The following KMT2D variants were observed in gnomAD, a reference collection of about 807,000 sequenced individuals.
KMT2D encodes lysine methyltransferase 2D.
KMT2D carries 55 observed loss-of-function variants against 512.7 expected under a neutral mutation model. That is an observed-to-expected ratio of 0.11 (90% CI 0.09 to 0.13). The LOEUF is 0.13. KMT2D is among the 10% of genes least tolerant of loss of function. KMT2D has a pLI of 1.00. For synonymous variants in KMT2D, 2,995 were observed against 2,904.0 expected, an observed-to-expected ratio of 1.03 and a Z score of -1.01; for missense variants, 6,061 against 7,127.9, an observed-to-expected ratio of 0.85 and a Z score of 5.39.
rs1382796110 is a variant in KMT2D at position 49,050,491 on chromosome 12, C to T, written c.3097G>A (p.Val1033Ile). The change falls in exon 12 of 55, where the codon GTT becomes ATT. Residue 1033 changes from valine (V) to isoleucine (I), a missense_variant. By Grantham distance (29) the Val-to-Ile change is conservative. Coordinates refer to ENST00000301067, the MANE Select transcript of KMT2D (RefSeq NM_003482.4). The part of the protein sequence containing the change: ...QCSPLLQHSL[V>I]PQNSPPSQCS... ...TGGGAAGGAGGGGAGTTTTGGGGAA[C>T]CAGGGAATGCTGAAGGAGTGGCGAA... 5 of 1,612,816 alleles carry T rather than the reference C, an allele frequency of 3.1e-6. No homozygotes were observed. Among genetic ancestry groups the T allele is most frequent in the Admixed American group, 3.3e-5 (2 of 59,982 alleles).
Position 49,042,508 on chromosome 12 carries a change from T to G in KMT2D, c.5867+53A>C. ...GAGGGAGGCAAAGCATGAACTCAGA[T>G]GGAGGGAAAGGACAACGAGGACTGC... On this transcript the variant is annotated intron_variant, in intron 28 of 54. Transcript: ENST00000301067. The surrounding 1 kb of genome is among the most constrained non-coding windows in gnomAD (Gnocchi z 4.4). 5 of 1,582,904 alleles carry G rather than the reference T, an allele frequency of 3.2e-6. No homozygotes were observed. Among genetic ancestry groups the G allele is most frequent in the Non-Finnish European group, 8.6e-7 (1 of 1,158,492 alleles).
Position 49,029,415 on chromosome 12 carries a change from C to T in KMT2D, c.14061G>A (p.Gln4687=). 3 of 1,557,860 alleles carry T rather than the reference C, an allele frequency of 1.9e-6. No individual in the cohort carries two copies. The South Asian group carries it at 3.5e-5, about 18-fold the overall frequency. The stretch of plus-strand genomic sequence containing the variant: ...CCCGCCCCTACCTGACATCCTCAGT[C>T]TGATTGTGAGGGGGTGTAGGCAAGG... The part of the protein sequence containing the change: ...LAALPTPPHN[Q]TEDVRMESDE... The change falls in exon 44 of 55, where the codon CAG becomes CAA. Residue 4687 remains glutamine, a synonymous_variant. Transcript: ENST00000301067.
At position 49,038,620 on chromosome 12, in the gene KMT2D, G is replaced by A. The variant is rs2120501056; in HGVS notation, c.8736C>T (p.Asp2912=). 3 of 1,612,978 alleles carry A rather than the reference G, an allele frequency of 1.9e-6. No homozygotes were observed. Among genetic ancestry groups the A allele is most frequent in the South Asian group, 1.1e-5 (1 of 91,072 alleles). The change falls in exon 35 of 55, where the codon GAC becomes GAT. Residue 2912 remains aspartate, a synonymous_variant. Coordinates refer to ENST00000301067, the MANE Select transcript of KMT2D (RefSeq NM_003482.4). The surrounding 1 kb of genome is among the most constrained non-coding windows in gnomAD (Gnocchi z 5.7). ...GCCCTTCAGGAGCCAGTCGGTGGGG[G>A]TCCTCACTTACAGGGTAAAAACGGG... is the stretch of plus-strand genomic sequence containing the variant. ...QRPRFYPVSE[D]PHRLAPEGLR...
At chr12:49,059,003 A>G (rs1938577581) in intron 1 of KMT2D, among the ~76,000 whole-genome samples, 1 of 152,178 alleles carries the variant, frequency 6.6e-6, no homozygotes, top group Non-Finnish European at 1.5e-5. Context: ...CAGCAGGGCC[A>G]GAACTGCCCC....
chr12:49,050,600 G>A lies in KMT2D; in HGVS notation c.2988C>T (p.Val996=), dbSNP rs375542337. The A allele has an allele frequency of 3.1e-6, 5 of 1,608,226 alleles. No homozygotes were observed. The highest frequency in any genetic ancestry group is 2.2e-5 in the East Asian group (1 of 44,700). ...PEANCTDPEP[V]PPMILPPSPG... ...GAGATGGGGGAAGGATCATAGGGGGGACAGGCTCAGGGTCAGTGCAGTTAG... is the reference window on the plus strand; with the variant it reads ...GAGATGGGGGAAGGATCATAGGGGGAACAGGCTCAGGGTCAGTGCAGTTAG... Residue 996 remains valine, a synonymous_variant, in exon 12 of 55, where the codon GTC becomes GTT. Transcript: ENST00000301067.
rs2120412140 is a variant in KMT2D, at chr12:49,030,951, T to C, written c.13613A>G (p.Lys4538Arg). The change falls in exon 41 of 55, where the codon AAG becomes AGG. Residue 4538 changes from lysine to arginine, a missense_variant. Lys to Arg is a conservative substitution (Grantham distance 26, BLOSUM62 2). Coordinates refer to ENST00000301067, the MANE Select transcript of KMT2D (RefSeq NM_003482.4). The part of the protein sequence containing the change: ...ASDRLVSSRK[K>R]LRKEDGVRAS... ...CCTGACCCCGTCCTCCTTCCGCAGC[T>C]TCTTTCGGGAGCTCACCAACCTGTC... is the stretch of plus-strand genomic sequence containing the variant. 6.2e-7 allele frequency: 1 copy of C among 1,614,004 alleles called. No homozygotes were observed. Among genetic ancestry groups the C allele is most frequent in the Non-Finnish European group, 8.5e-7 (1 of 1,179,880 alleles).
chr12:49,046,511 C>G lies in KMT2D; in HGVS notation c.4419-87G>C, dbSNP rs2120608094. 6.3e-7 allele frequency: 1 copy of G among 1,581,770 alleles called. No individual in the cohort carries two copies. The highest frequency in any genetic ancestry group is 8.6e-7 in the Non-Finnish European group (1 of 1,160,106). ...CTCACCGGAAACCCAAGCCACCAGC[C>G]TGGCCTCCTAAACCCAGCCTCTGTC... On this transcript the variant is annotated intron_variant, in intron 16 of 54. Transcript: ENST00000301067. The surrounding 1 kb of genome is among the most constrained non-coding windows in gnomAD (Gnocchi z 4.2).
At position 49,041,451 on chromosome 12, in the gene KMT2D, G is replaced by C. The variant is rs201977719; in HGVS notation, c.6319C>G (p.Pro2107Ala). 6 of 1,612,804 alleles carry C rather than the reference G, an allele frequency of 3.7e-6. No homozygotes were observed. Among genetic ancestry groups the C allele is most frequent in the Non-Finnish European group, 5.1e-6 (6 of 1,179,016 alleles). The change falls in exon 32 of 55, where the codon CCC becomes GCC. Residue 2107 changes from proline (P) to alanine (A), a missense_variant. Transcript: ENST00000301067. The surrounding 1 kb of genome is among the most constrained non-coding windows in gnomAD (Gnocchi z 5.4). ...TDRPALHLRI[P>A]PQPGALGSPP... ...CTGCCCAGTGCCCCTGGCTGCGGGG[G>C]AATGCGGAGATGTAGGGCCGGTCGG...
At position 49,032,453 on chromosome 12, in the gene KMT2D, A is replaced by G. The variant is rs375015236; in HGVS notation, c.12252T>C (p.Pro4084=). ...GCTGCAGCTGCAGAGAGCTGGGCTG[A>G]GGCTGGGGCTGGGGTTGGACAAGCA... is the stretch of plus-strand genomic sequence containing the variant. ...QLLLVQPQPQ[P]QPSSLQLQPP... is the part of the protein sequence containing the mutation. The change falls in exon 40 of 55, where the codon CCT becomes CCC. Residue 4084 remains proline (P), a synonymous_variant. Transcript: ENST00000301067. The G allele has an allele frequency of 5.7e-6, 9 of 1,569,822 alleles. No homozygotes were observed. Among genetic ancestry groups the G allele is most frequent in the African/African-American group, 4.1e-5 (3 of 73,632 alleles).
rs1943261079 is a variant in KMT2D, at chr12:49,037,167, C to T, written c.10189G>A (p.Ala3397Thr). ...PSMCMKPQQL[A>T]MQQQLANSFF... ...CTGTTTGCCAGCTGCTGCTGCATTG[C>T]CAATTGCTGCGGCTTCATGCACATG... Residue 3397 changes from alanine to threonine, a missense_variant, in exon 35 of 55, where the codon GCA becomes ACA. By Grantham distance (58) the Ala-to-Thr change is moderately conservative (BLOSUM62 0). Around this residue, in one of 16 missense-constraint regions of KMT2D, gnomAD observed 533 missense variants for 539.6 expected, o/e 0.99. Transcript: ENST00000301067. 2 of 1,593,476 alleles carry T rather than the reference C, an allele frequency of 1.3e-6. No individual in the cohort carries two copies. The highest frequency in any genetic ancestry group is 1.7e-6 in the Non-Finnish European group (2 of 1,165,002).
Position 49,054,888 on chromosome 12 carries a change from C to T in KMT2D, c.176+12G>A. On this transcript the variant is annotated intron_variant, in intron 3 of 54. Coordinates refer to ENST00000301067, the MANE Select transcript of KMT2D (RefSeq NM_003482.4). The surrounding 1 kb of genome is among the most constrained non-coding windows in gnomAD (Gnocchi z 6.4). ...AGACTCTCAAATCCTCATGTGCCCTCAAACAAGCTACCTGCAGTCCTGAGG... is the reference window on the plus strand; with the variant it reads ...AGACTCTCAAATCCTCATGTGCCCTTAAACAAGCTACCTGCAGTCCTGAGG... 1 of 1,611,622 alleles carries T rather than the reference C, an allele frequency of 6.2e-7. No individual in the cohort carries two copies. The highest frequency in any genetic ancestry group is 8.5e-7 in the Non-Finnish European group (1 of 1,178,278).
At position 49,050,662 on chromosome 12, in the gene KMT2D, G is replaced by C. The variant is rs1481084539; in HGVS notation, c.2926C>G (p.Pro976Ala). 3.1e-6 allele frequency: 5 copies of C among 1,613,396 alleles called. No homozygotes were observed. Among genetic ancestry groups the C allele is most frequent in the Admixed American group, 1.7e-5 (1 of 59,998 alleles). ...DSDPESPLAA[P>A]ILETPISPPP... ...GGGCTGATGGGTGTCTCCAGGATGG[G>C]GGCAGCCAACGGTGACTCAGGGTCA... Residue 976 changes from proline (P) to alanine (A), a missense_variant, in exon 12 of 55, where the codon CCC (proline) becomes GCC (alanine). Around this residue, in one of 16 missense-constraint regions of KMT2D, gnomAD observed 848 missense variants for 838.5 expected, o/e 1.01. Transcript: ENST00000301067.
chr12:49,027,889 C>T lies in KMT2D; in HGVS notation c.14557G>A (p.Gly4853Ser). Residue 4853 changes from glycine to serine, a missense_variant, in exon 48 of 55, where the codon GGC (glycine) becomes AGC (serine). By Grantham distance (56) the Gly-to-Ser change is moderately conservative. Around this residue, in one of 16 missense-constraint regions of KMT2D, gnomAD observed 1,600 missense variants for 1,754.9 expected, o/e 0.91. Coordinates refer to ENST00000301067, the MANE Select transcript of KMT2D (RefSeq NM_003482.4). Reference sequence around the variant, plus strand: ...TCAAACTGCTTCAGCCAATCAGGGCCAGTGTCTGGGCTCTTGCCTTCCAGA... The same window carrying T: ...TCAAACTGCTTCAGCCAATCAGGGCTAGTGTCTGGGCTCTTGCCTTCCAGA... ...KGLEGKSPDT[G>S]PDWLKQFDAV... 1 of 1,613,548 alleles carries T rather than the reference C, an allele frequency of 6.2e-7. No homozygotes were observed. The highest frequency in any genetic ancestry group is 8.5e-7 in the Non-Finnish European group (1 of 1,179,700).
rs777532785 is a variant in KMT2D at position 49,054,424 on chromosome 12, G to A, written c.401-8C>T. ...GGTGAGCCCAGCAGGACCCTTTACA[G>A]GTGGGAAGAGGTAAAGAGAAAGGAA... On this transcript the variant is annotated splice_polypyrimidine_tract_variant and splice_region_variant and intron_variant, in intron 4 of 54. Coordinates refer to ENST00000301067, the MANE Select transcript of KMT2D (RefSeq NM_003482.4). This position sits in a 1 kb window ranked among gnomAD's most constrained non-coding sequence, Gnocchi z 6.4. The A allele has an allele frequency of 1.3e-6, 2 of 1,577,250 alleles. No individual in the cohort carries two copies. Among genetic ancestry groups the A allele is most frequent in the South Asian group, 2.3e-5 (2 of 86,354 alleles).
rs1161756302 is a variant in KMT2D at position 49,032,283 on chromosome 12, A to G, written c.12422T>C (p.Leu4141Ser). 1.2e-6 allele frequency: 2 copies of G among 1,613,802 alleles called. No individual in the cohort carries two copies. The highest frequency in any genetic ancestry group is 2.2e-5 in the South Asian group (2 of 91,082). The stretch of plus-strand genomic sequence containing the variant: ...GGTCATGGACCCAGGCTGATCCCCT[A>G]AGGAAACAGAGGGCTGAGCCAGCAG... ...PHLLAQPSVS[L>S]GDQPGSMTQN... The change falls in exon 40 of 55, where the codon TTA (leucine) becomes TCA (serine). Residue 4141 changes from leucine (L) to serine (S), a missense_variant. Around this residue, in one of 16 missense-constraint regions of KMT2D, gnomAD observed 1,600 missense variants for 1,754.9 expected, o/e 0.91. Coordinates refer to ENST00000301067, the MANE Select transcript of KMT2D (RefSeq NM_003482.4).
At position 49,044,036 on chromosome 12, in the gene KMT2D, G is replaced by C. The variant is rs1233628099; in HGVS notation, c.5189-38C>G. ...CGGAAGTGTCAGACTCGGGTTGAGA[G>C]CATGCTGCTCCCAACTTGCAGGGTG... On this transcript the variant is annotated intron_variant, in intron 22 of 54. Transcript: ENST00000301067. This position sits in a 1 kb window ranked among gnomAD's most constrained non-coding sequence, Gnocchi z 6.4. 1 of 1,611,128 alleles carries C rather than the reference G, an allele frequency of 6.2e-7. No individual in the cohort carries two copies. Among genetic ancestry groups the C allele is most frequent in the Admixed American group, 1.7e-5 (1 of 59,964 alleles).
At position 49,028,685 on chromosome 12, in the gene KMT2D, C is replaced by G. The variant is rs1011401334; in HGVS notation, c.14382+143G>C. The G allele has an allele frequency of 4.5e-6, 5 of 1,117,992 alleles. No homozygotes were observed. In the African/African-American group the frequency reaches 7.8e-5, roughly 17 times the overall value. 69.3% of individuals were successfully genotyped at this position (1,117,992 alleles called of 1,614,324 possible). On this transcript the variant is annotated intron_variant, in intron 46 of 54. Transcript: ENST00000301067. The stretch of plus-strand genomic sequence containing the variant: ...AACCATGATTCATTTACCCGAATCT[C>G]ACAGCCTCTAGCCCAGGCTTTCACA...
Position 49,033,407 on chromosome 12 carries a change from G to A in KMT2D, c.11298C>T (p.Asn3766=). ...QQQQGPGVQT[N]QALGPKPQGL... ...CCTGGGGCTTGGGACCCAGAGCTTG[G>A]TTTGTCTGTACTCCAGGACCCTGCT... Residue 3766 remains asparagine (N), a synonymous_variant, in exon 40 of 55, where the codon AAC becomes AAT. Transcript: ENST00000301067. 6.4e-7 allele frequency: 1 copy of A among 1,574,500 alleles called. No homozygotes were observed. Among genetic ancestry groups the A allele is most frequent in the South Asian group, 1.1e-5 (1 of 87,008 alleles).
In KMT2D at chr12:49,039,430, C is replaced by T; in HGVS notation, c.8229+5G>A. On this transcript the variant is annotated splice_donor_5th_base_variant and intron_variant, in intron 33 of 54. Coordinates refer to ENST00000301067, the MANE Select transcript of KMT2D (RefSeq NM_003482.4). The surrounding 1 kb of genome is among the most constrained non-coding windows in gnomAD (Gnocchi z 5.0). ...GGCCCCACTATCCCTTGCCACTCTA[C>T]CTACCTGTGTCCCAGCAAAGGGGGT... 6.2e-7 allele frequency: 1 copy of T among 1,600,134 alleles called. No homozygotes were observed. The highest frequency in any genetic ancestry group is 8.5e-7 in the Non-Finnish European group (1 of 1,172,044).
Sources: allele counts gnomAD v4.1 joint callset (sites outside exome capture counted in the v4.1 genomes callset), GRCh38; gene constraint gnomAD v4.1.1; regional missense constraint gnomAD v4.1.1; non-coding constraint Gnocchi (gnomAD v3.1); transcripts MANE v1.5; gene names NCBI Gene and HGNC (gene_info 2026-07-23, HGNC 2026-07-21).